Variants in ADD1 observed in about 807,000 individuals in gnomAD.
ADD1 encodes the protein adducin 1, also known as alpha-adducin.
ADD1 carries 24 observed loss-of-function variants against 80.5 expected under a neutral mutation model. That is an observed-to-expected ratio of 0.30 (90% CI 0.22 to 0.42). ADD1 has a LOEUF of 0.42. Among genes scored for constraint, ADD1 ranks in the 10% least tolerant of loss-of-function variants. The pLI is 1.00. For synonymous variants in ADD1, 373 were observed against 393.8 expected (o/e 0.95, Z 0.63); for missense variants, 948 against 1,019.0 (o/e 0.93, Z 0.95).
At position 2,920,657 on chromosome 4, in the gene ADD1, C is replaced by CTT. The variant is rs55649630; in HGVS notation, c.1949-5344_1949-5343dup. ...TTAGAGACTAGGATTGCAACTCCTG[C>CTT]TTTTTTTTTTTTTTGCTTTTCTTTT... On this transcript the variant is annotated intron_variant, in intron 14 of 15. Coordinates refer to ENST00000683351, the MANE Select transcript of ADD1 (RefSeq NM_001354761.2). Among the ~76,000 whole-genome samples the CTT allele has an allele frequency of 2.6e-3, 359 of 136,458 alleles. 5 individuals carry two copies. The highest frequency in any genetic ancestry group is 3.0e-3 in the South Asian group (13 of 4,346). 89.5% of individuals were successfully genotyped at this position (136,458 alleles called of 152,430 possible).
At position 2,852,247 on chromosome 4, in the gene ADD1, C is replaced by CTT. The variant is rs57425059; in HGVS notation, c.-21+8224_-21+8225insTT. On this transcript the variant is annotated intron_variant, in intron 1 of 15. Transcript: ENST00000683351. ...CTTTCTTTCCTTTCTTTCTTTCTTT[C>CTT]TCTTTCTTTCTTTCCTTCCTTCCTT... 9.9e-3 allele frequency among the ~76,000 whole-genome samples: 650 copies of CTT among 65,680 alleles called. 3 individuals carry two copies. Among genetic ancestry groups the CTT allele is most frequent in the Non-Finnish European group, 0.011 (355 of 31,498 alleles). 43.1% of individuals were successfully genotyped at this position (65,680 alleles called of 152,430 possible).
Position 2,904,962 on chromosome 4 carries a change from G to T in ADD1, c.1360G>T (p.Asp454Tyr), listed in dbSNP as rs750815954. The change falls in exon 10 of 16, where the codon GAC becomes TAC. Residue 454 changes from aspartate to tyrosine, a missense_variant. Coordinates refer to ENST00000683351, the MANE Select transcript of ADD1 (RefSeq NM_001354761.2). The stretch of plus-strand genomic sequence containing the variant: ...AAGATGGCTGAACTCTGGCCGGGGC[G>T]ACGAAGCTTCCGAGGAAGGGCAGAA... ...KTRWLNSGRG[D>Y]EASEEGQNGS... 1.2e-6 allele frequency: 2 copies of T among 1,614,074 alleles called. No individual in the cohort carries two copies. Among genetic ancestry groups the T allele is most frequent in the Non-Finnish European group, 1.7e-6 (2 of 1,180,044 alleles).
At chr4:2,879,381 G>A (rs537492831) in intron 2 of ADD1, among the ~76,000 whole-genome samples, 7 of 152,206 alleles carry the variant, frequency 4.6e-5, no homozygotes, top group Admixed American at 6.5e-5. Flanking sequence ...TGGATGGCAA[G>A]GACCATATTA....
intron 4 of ADD1, among the ~76,000 whole-genome samples, chr4:2,893,312 T>C (rs963207050): frequency 6.6e-6 from 1 of 152,084 alleles, no homozygotes; most frequent in African/African-American, 2.4e-5. Flanking sequence ...TGTTTGACTT[T>C]TTAAAAGTAA....
intron 14 of ADD1, among the ~76,000 whole-genome samples, chr4:2,916,305 C>G (rs979386509): frequency 6.6e-6 from 1 of 151,808 alleles, no homozygotes; most frequent in Non-Finnish European, 1.5e-5. Context: ...AAGCAATTCT[C>G]CTGCCTCAGC....
At chr4:2,894,507 T>TGA in intron 5 of ADD1, 75 bp from the exon 6 acceptor site, 1 of 957,694 alleles carries the variant, frequency 1.0e-6, no homozygotes, top group African/African-American at 2.4e-5. Context: ...CCAGACCCTA[T>TGA]CAAAAAAAAA....
chr4:2,897,114 A>G (rs1421471894), intron 6 of ADD1, among the ~76,000 whole-genome samples: 2 of 152,138 alleles, frequency 1.3e-5, no homozygotes. Context: ...TTCTTGTATG[A>G]GAGCTGATAC....
intron 14 of ADD1, among the ~76,000 whole-genome samples, chr4:2,916,241 GC>G (rs1290253628): frequency 2.6e-5 from 4 of 151,000 alleles, no homozygotes; most frequent in African/African-American, 9.7e-5. Flanking sequence ...CTGTCGCCAG[GC>G]TGGAGTGCAG....
chr4:2,907,760 A>T lies in ADD1; in HGVS notation c.1524A>T (p.Gly508=), dbSNP rs773627563. 6.2e-7 allele frequency: 1 copy of T among 1,614,032 alleles called. No individual in the cohort carries two copies. Among genetic ancestry groups the T allele is most frequent in the Non-Finnish European group, 8.5e-7 (1 of 1,179,950 alleles). The change falls in exon 11 of 16, where the codon GGA becomes GGT. Residue 508 remains glycine (G), a synonymous_variant. Transcript: ENST00000683351. ...ITNCLWTKED[G]HRTSTSAVPN... ...TATTACAGTGGACTAAAGAGGATGG[A>T]CATAGAACTTCCACCTCTGCTGTCC...
At chr4:2,909,835 G>A (rs1172151870) in intron 13 of ADD1, among the ~76,000 whole-genome samples, 4 of 151,748 alleles carry the variant, frequency 2.6e-5, no homozygotes, top group Middle Eastern at 3.4e-3. Flanking sequence ...TTCCACCCTC[G>A]CTGGTTCAAC....
chr4:2,920,657 C>CTTTTTTTTTTTTTTTTTTTTTTTTTTT (rs55649630), intron 14 of ADD1, among the ~76,000 whole-genome samples: 1 of 136,532 alleles, frequency 7.3e-6, no homozygotes, highest in African/African-American at 2.8e-5. Context: ...GCAACTCCTG[C>CTTTTTTTTTTTTTTTTTTTTTTTTTTT]TTTTTTTTTT....
rs1735804617 is a variant in ADD1 at position 2,899,447 on chromosome 4, G to C, written c.1161+12G>C. The C allele has an allele frequency of 1.2e-6, 2 of 1,613,978 alleles. No homozygotes were observed. The highest frequency in any genetic ancestry group is 1.7e-6 in the Non-Finnish European group (2 of 1,179,984). On this transcript the variant is annotated intron_variant, in intron 9 of 15. Coordinates refer to ENST00000683351, the MANE Select transcript of ADD1 (RefSeq NM_001354761.2). ...TGCTCGATAATCTGGTAAGAATGGT[G>C]CCACCACTTGATGATAAACCTTTTG...
intron 6 of ADD1, among the ~76,000 whole-genome samples, chr4:2,895,229 C>A (rs936294828): frequency 1.6e-4 from 24 of 152,068 alleles, no homozygotes; most frequent in Admixed American, 1.4e-3. Context: ...GAACTCTAGC[C>A]TGGGTGACAG....
At chr4:2,898,410 A>G (rs1383199848) in intron 7 of ADD1, 23 bp from the exon 8 acceptor site, 6 of 1,613,972 alleles carry the variant, frequency 3.7e-6, no homozygotes, top group East Asian at 2.2e-5. Flanking sequence ...CCAGCTCCAC[A>G]GAGCATTCAT....
chr4:2,905,527 T>C (rs769253705), intron 10 of ADD1: 9 of 185,984 alleles, frequency 4.8e-5, no homozygotes, highest in Non-Finnish European at 1.0e-4. Flanking sequence ...GTTTCTTAAG[T>C]CTTCAGTGTT....
chr4:2,887,074 A>T (rs1191570954), intron 4 of ADD1, among the ~76,000 whole-genome samples: 1 of 152,242 alleles, frequency 6.6e-6, no homozygotes, highest in African/African-American at 2.4e-5. Flanking sequence ...TGGCAAAATT[A>T]AAAAAGTGTT....
chr4:2,851,326 A>G (rs1727043007), intron 1 of ADD1, among the ~76,000 whole-genome samples: 1 of 152,228 alleles, frequency 6.6e-6, no homozygotes, highest in African/African-American at 2.4e-5. Context: ...TAACAGTCAT[A>G]TCTAACTGGA....
intron 4 of ADD1, 31 bp downstream of exon 4, chr4:2,884,697 A>T (rs1463416513): frequency 6.5e-7 from 1 of 1,544,884 alleles, no homozygotes; most frequent in East Asian, 2.3e-5. Flanking sequence ...TAACTGAACG[A>T]TAAATGAAAT....
At chr4:2,913,126 G>A (rs1436372258) in intron 13 of ADD1, among the ~76,000 whole-genome samples, 1 of 152,210 alleles carries the variant, frequency 6.6e-6, no homozygotes, top group Non-Finnish European at 1.5e-5. Context: ...GGGATTACAG[G>A]TGTGAGCCAC....
Sources: gnomAD v4.1 joint callset for allele counts (sites outside exome capture counted in the v4.1 genomes callset) on GRCh38, gnomAD v4.1.1 for gene constraint, MANE v1.5 for transcripts, NCBI Gene and HGNC (gene_info 2026-07-23, HGNC 2026-07-21) for gene names.